The following THEMIS variants were observed in gnomAD, a reference collection of about 807,000 sequenced individuals.
THEMIS encodes the protein protein THEMIS.
Under a neutral mutation model 52.6 loss-of-function variants are expected in THEMIS, and 37 were observed. That is an observed-to-expected ratio of 0.70 (90% CI 0.54 to 0.93). The LOEUF is 0.93. Among genes scored for constraint, THEMIS ranks in the 40% least tolerant of loss-of-function variants. The probability of loss-of-function intolerance (pLI) is 0.00; values close to 1 mark genes in which losing one functional copy is unlikely to be tolerated. For missense variants in THEMIS, 808 were observed against 763.1 expected (o/e 1.06, Z -0.69); for synonymous variants, 292 against 272.7 (o/e 1.07, Z -0.70).
In THEMIS at chr6:127,813,734, G is replaced by C; in HGVS notation, c.907C>G (p.Pro303Ala). The change falls in exon 4 of 6, where the codon CCT becomes GCT. Residue 303 changes from proline (P) to alanine (A), a missense_variant. Coordinates refer to ENST00000368248, the MANE Select transcript of THEMIS (RefSeq NM_001010923.3). Reference sequence around the variant, plus strand: ...TTGTGGATCACAATGGTTTTCCCAGGCTGTAAAATGCTTTGGGGCAGGTGG... The same window carrying C: ...TTGTGGATCACAATGGTTTTCCCAGCCTGTAAAATGCTTTGGGGCAGGTGG... ...GNHLPQSILQ[P>A]GKTIVIHKKY... The C allele has an allele frequency of 6.2e-7, 1 of 1,613,796 alleles. No individual in the cohort carries two copies. The highest frequency in any genetic ancestry group is 1.1e-5 in the South Asian group (1 of 91,048).
At chr6:127,726,492 A>C (rs1180699126) in intron 4 of THEMIS, among the ~76,000 whole-genome samples, 1 of 152,138 alleles carries the variant, frequency 6.6e-6, no homozygotes, top group Non-Finnish European at 1.5e-5. Context: ...TACTATTAAG[A>C]TTATTTTATA....
chr6:127,913,326 C>T (rs917392304), intron 1 of THEMIS, among the ~76,000 whole-genome samples: 16 of 152,042 alleles, frequency 1.1e-4, no homozygotes, highest in African/African-American at 2.2e-4. Context: ...AGTTTCCATT[C>T]GCTGAATATT....
chr6:127,719,783 T>G lies in THEMIS; in HGVS notation c.1799A>C (p.Gln600Pro). 6.2e-7 allele frequency: 1 copy of G among 1,612,352 alleles called. No individual in the cohort carries two copies. The highest frequency in any genetic ancestry group is 8.5e-7 in the Non-Finnish European group (1 of 1,178,944). Residue 600 changes from glutamine to proline, a missense_variant, in exon 5 of 6, where the codon CAA (glutamine) becomes CCA (proline). Gln to Pro is a moderately conservative substitution (Grantham distance 76, BLOSUM62 -1). Coordinates refer to ENST00000368248, the MANE Select transcript of THEMIS (RefSeq NM_001010923.3). Reference sequence around the variant, plus strand: ...CAGTACTTTTGAATCCAGGCCAGCTTGATTTGGGTGAAGTTTCTTGGTTAT... The same window carrying G: ...CAGTACTTTTGAATCCAGGCCAGCTGGATTTGGGTGAAGTTTCTTGGTTAT... ...VDITKKLHPN[Q>P]AGLDSKVLIG...
chr6:127,859,348 G>T (rs1449279514), intron 1 of THEMIS, among the ~76,000 whole-genome samples: 1 of 152,074 alleles, frequency 6.6e-6, no homozygotes. Context: ...AGCACTTCAT[G>T]CGTATCTCCA....
downstream of THEMIS, among the ~76,000 whole-genome samples, chr6:127,707,328 G>A (rs115525991): frequency 7.8e-3 from 1,187 of 152,244 alleles, 21 homozygotes; most frequent in African/African-American, 0.027. Flanking sequence ...GAGAGAATGG[G>A]AATGTATTGT....
chr6:127,805,460 T>C (rs950261091), intron 4 of THEMIS, among the ~76,000 whole-genome samples: 25 of 152,094 alleles, frequency 1.6e-4, no homozygotes, highest in African/African-American at 6.0e-4. Context: ...TATGAATTTT[T>C]AAAGTATTTA....
Position 127,900,977 on chromosome 6 carries a change from T to C in THEMIS, c.-45A>G, listed in dbSNP as rs765772680. On this transcript the variant is annotated 5_prime_UTR_variant, in exon 1 of 6. Coordinates refer to ENST00000368248, the MANE Select transcript of THEMIS (RefSeq NM_001010923.3). ...TGTAGACCTGGTGCTCACAGAAACTTGTGGCTTCTGGGTGACACTTGTCTG... is the reference window on the plus strand; with the variant it reads ...TGTAGACCTGGTGCTCACAGAAACTCGTGGCTTCTGGGTGACACTTGTCTG... 6.6e-7 allele frequency: 1 copy of C among 1,511,840 alleles called. No individual in the cohort carries two copies. The highest frequency in any genetic ancestry group is 1.1e-5 in the South Asian group (1 of 88,834). 93.7% of individuals were successfully genotyped at this position (1,511,840 alleles called of 1,614,324 possible).
chr6:127,790,141 C>G lies in THEMIS; in HGVS notation c.1758+22742G>C, dbSNP rs571246003. On this transcript the variant is annotated intron_variant, in intron 4 of 5. Transcript: ENST00000368248. ...ATTTAGAAAACCCCATTGTCTCATC[C>G]CAAAATGTCCTTAAGCTGATAAGCA... 9.2e-5 allele frequency among the ~76,000 whole-genome samples: 14 copies of G among 152,260 alleles called. No homozygotes were observed. In the South Asian group the frequency reaches 2.9e-3, roughly 32 times the overall value.
chr6:127,785,016 A>C (rs1202991025), intron 4 of THEMIS, among the ~76,000 whole-genome samples: 2 of 143,388 alleles, frequency 1.4e-5, no homozygotes, highest in African/African-American at 2.6e-5. Context: ...TTATCTATCT[A>C]TCTATCTACC....
intron 4 of THEMIS, among the ~76,000 whole-genome samples, chr6:127,800,377 T>C (rs545802457): frequency 2.0e-5 from 3 of 152,328 alleles, no homozygotes; most frequent in African/African-American, 7.2e-5. Context: ...CAAAGGACAT[T>C]ATTTATCACA....
the THEMIS span, among the ~76,000 whole-genome samples, chr6:127,701,457 C>T: frequency 1.7e-4 from 26 of 152,166 alleles, 1 homozygote; most frequent in African/African-American, 6.3e-4. Flanking sequence ...GCATGGGTTG[C>T]TTCCAGTTTG....
chr6:127,783,766 G>A (rs1232323589), intron 4 of THEMIS, among the ~76,000 whole-genome samples: 1 of 152,152 alleles, frequency 6.6e-6, no homozygotes, highest in Non-Finnish European at 1.5e-5. Context: ...GGAGAAATAC[G>A]AACACTGTTA....
downstream of THEMIS, among the ~76,000 whole-genome samples, chr6:127,706,275 T>C (rs1162208086): frequency 1.3e-5 from 2 of 151,994 alleles, no homozygotes; most frequent in African/African-American, 4.8e-5. Flanking sequence ...CAGACAAAGC[T>C]CCAAGCACTT....
intron 1 of THEMIS, among the ~76,000 whole-genome samples, chr6:127,885,067 A>G (rs1024270920): frequency 1.3e-5 from 2 of 152,190 alleles, no homozygotes; most frequent in African/African-American, 2.4e-5. Context: ...GGGTTTCAAC[A>G]TATAAATTGG....
intron 2 of THEMIS, among the ~76,000 whole-genome samples, chr6:127,844,496 C>A (rs1779151039): frequency 6.6e-6 from 1 of 151,752 alleles, no homozygotes; most frequent in South Asian, 2.1e-4. Flanking sequence ...ATGTCTTTAT[C>A]TGGCCTTATA....
chr6:127,808,906 G>A (rs920526607), intron 4 of THEMIS, among the ~76,000 whole-genome samples: 1 of 152,146 alleles, frequency 6.6e-6, no homozygotes, highest in Non-Finnish European at 1.5e-5. Flanking sequence ...AGCTTGTAGT[G>A]TTCATAACCA....
chr6:127,723,922 G>T (rs1160857086), intron 4 of THEMIS, among the ~76,000 whole-genome samples: 1 of 152,016 alleles, frequency 6.6e-6, no homozygotes, highest in African/African-American at 2.4e-5. Flanking sequence ...AACTATGCAT[G>T]CCCTGTTCAC....
At chr6:127,731,737 G>T (rs1193601565) in intron 4 of THEMIS, among the ~76,000 whole-genome samples, 1 of 129,580 alleles carries the variant, frequency 7.7e-6, no homozygotes, top group Non-Finnish European at 1.6e-5. Flanking sequence ...TCGCTCTGTC[G>T]CCCAGGCTAG....
chr6:127,776,882 C>A (rs1357179128), intron 4 of THEMIS, among the ~76,000 whole-genome samples: 12 of 152,034 alleles, frequency 7.9e-5, no homozygotes, highest in African/African-American at 2.4e-4. Flanking sequence ...AATGTGATAT[C>A]TTCTTGATGA....
Sources: allele counts gnomAD v4.1 joint callset (sites outside exome capture counted in the v4.1 genomes callset), GRCh38; gene constraint gnomAD v4.1.1; transcripts MANE v1.5; gene names NCBI Gene and HGNC (gene_info 2026-07-23, HGNC 2026-07-21).